NLRP14: variants seen among roughly 807,000 people sequenced by gnomAD.
NLRP14 encodes the protein NLR family pyrin domain containing 14, also known as NACHT, LRR and PYD domains-containing protein 14.
NLRP14 carries 105 observed loss-of-function variants against 94.7 expected under a neutral mutation model. The ratio of observed to expected loss-of-function variants is 1.11; its 90% CI spans 0.95 to 1.30. NLRP14 has a LOEUF of 1.30. NLRP14 is among the 50% of genes most tolerant of loss of function. The probability of loss-of-function intolerance (pLI) is 0.00; values close to 1 mark genes in which losing one functional copy is unlikely to be tolerated. For missense variants in NLRP14, 1,362 were observed against 1,254.1 expected, an observed-to-expected ratio of 1.09 and a Z score of -1.30; for synonymous variants, 508 against 459.9, an observed-to-expected ratio of 1.10 and a Z score of -1.34.
Position 7,042,656 on chromosome 11 carries a change from T to A in NLRP14, c.630T>A (p.Phe210Leu). Residue 210 changes from phenylalanine to leucine, a missense_variant, in exon 4 of 12, where the codon TTT (phenylalanine) becomes TTA (leucine). Physicochemically the swap from Phe to Leu is conservative, Grantham distance 22. Transcript: ENST00000299481. Reference protein sequence around the residue: ...WAEGSLYQQRFKYVFYLNGRE... With the variant: ...WAEGSLYQQRLKYVFYLNGRE... ...AGGGCAGTCTCTACCAGCAGAGGTT[T>A]AAGTATGTTTTTTATCTCAATGGGA... 6.2e-7 allele frequency: 1 copy of A among 1,614,200 alleles called. No homozygotes were observed. Among genetic ancestry groups the A allele is most frequent in the Non-Finnish European group, 8.5e-7 (1 of 1,180,038 alleles).
In NLRP14 at chr11:7,054,030, TC is replaced by T. The variant is rs558405833; in HGVS notation, c.2292-3644del. ...ATATCTCCATATTTTCATTTTTCAC[TC>T]CCACAAATAAGTGAGAACATGGAAA... On this transcript the variant is annotated intron_variant, in intron 6 of 11. Coordinates refer to ENST00000299481, the MANE Select transcript of NLRP14 (RefSeq NM_176822.4). Among the ~76,000 whole-genome samples, 706 of 152,220 alleles carry T rather than the reference TC, an allele frequency of 4.6e-3. 7 individuals are homozygous for T. Among genetic ancestry groups the T allele is most frequent in the African/African-American group, 0.016 (665 of 41,550 alleles).
At chr11:7,024,279 T>C (rs1289694779) in intron 1 of NLRP14, among the ~76,000 whole-genome samples, 2 of 152,180 alleles carry the variant, frequency 1.3e-5, no homozygotes, top group Non-Finnish European at 2.9e-5. Flanking sequence ...ATATGCTACA[T>C]AGGAATTAAT....
chr11:7,072,633 C>T (rs901184938), downstream of NLRP14, among the ~76,000 whole-genome samples: 5 of 152,078 alleles, frequency 3.3e-5, no homozygotes, highest in African/African-American at 7.2e-5. Context: ...TGAGAGGCCC[C>T]GTGCACGGTG....
At chr11:7,022,072 C>T (rs773193160) in intron 1 of NLRP14, among the ~76,000 whole-genome samples, 5 of 152,122 alleles carry the variant, frequency 3.3e-5, no homozygotes, top group Non-Finnish European at 7.4e-5. Flanking sequence ...GTATAGCATA[C>T]GCAAGACTTT....
intron 1 of NLRP14, among the ~76,000 whole-genome samples, chr11:7,038,163 CA>C (rs1852187916): frequency 6.6e-6 from 1 of 152,052 alleles, no homozygotes; most frequent in Admixed American, 6.6e-5. Context: ...GGACAGTTAG[CA>C]ATACTTAGGA....
chr11:7,049,616 G>C (rs777400592), intron 5 of NLRP14, 55 bp from the exon 6 acceptor site: 43 of 1,241,816 alleles, frequency 3.5e-5, no homozygotes, highest in Non-Finnish European at 5.0e-5. Flanking sequence ...AAGGGATCCT[G>C]TAACCAAGGA....
chr11:7,057,959 C>A (rs1852543254), intron 7 of NLRP14, 112 bp downstream of exon 7: 5 of 869,512 alleles, frequency 5.8e-6, no homozygotes, highest in Non-Finnish European at 9.9e-6. Flanking sequence ...GCTCGTTTGT[C>A]AATTCTGAAT....
intron 10 of NLRP14, among the ~76,000 whole-genome samples, chr11:7,062,903 T>C (rs988060297): frequency 1.1e-4 from 17 of 152,160 alleles, no homozygotes; most frequent in African/African-American, 4.1e-4. Context: ...CATTCTGTGT[T>C]GTGGACATTT....
the NLRP14 span, chr11:7,090,137 C>G: frequency 6.2e-7 from 1 of 1,613,278 alleles, no homozygotes; most frequent in Admixed American, 1.7e-5. Context: ...ACTCGAGGGG[C>G]CGACACCGGG....
chr11:7,073,810 C>G (rs1246594923), downstream of NLRP14, among the ~76,000 whole-genome samples: 1 of 152,202 alleles, frequency 6.6e-6, no homozygotes, highest in Non-Finnish European at 1.5e-5. Context: ...TTGGCTTGTG[C>G]TACCTTCTAA....
rs571709211 is a variant in NLRP14 at position 7,038,434 on chromosome 11, C to T, written c.-21-132C>T. 10 of 711,692 alleles carry T rather than the reference C, an allele frequency of 1.4e-5. No homozygotes were observed. The South Asian group carries it at 1.7e-4, about 12-fold the overall frequency. The allele number at this position is 711,692 out of a possible 1,614,324, so 44.1% of individuals were successfully genotyped here. A position where few individuals can be genotyped will look rare whatever the true frequency, so the allele number is the denominator to read the frequency against. ...TATTACAGAGGACACTAGGTCAGTA[C>T]CGAGCCTAATACAGTGGGCTTCTGC... is the stretch of plus-strand genomic sequence containing the variant. On this transcript the variant is annotated intron_variant, in intron 1 of 11. Transcript: ENST00000299481.
At chr11:7,047,300 G>T (rs1041409225) in intron 5 of NLRP14, among the ~76,000 whole-genome samples, 7 of 123,280 alleles carry the variant, frequency 5.7e-5, no homozygotes, top group South Asian at 3.0e-4. Flanking sequence ...TCTCAGAAAG[G>T]TCCCTTGTAC....
intron 10 of NLRP14, among the ~76,000 whole-genome samples, chr11:7,067,542 T>C (rs1264343746): frequency 7.9e-5 from 12 of 152,208 alleles, no homozygotes; most frequent in Non-Finnish European, 1.0e-4. Context: ...TTTTGCACAT[T>C]GATTTTGTAT....
At chr11:7,067,433 T>G (rs955915463) in intron 10 of NLRP14, among the ~76,000 whole-genome samples, 1 of 152,172 alleles carries the variant, frequency 6.6e-6, no homozygotes, top group Non-Finnish European at 1.5e-5. Context: ...TTGTAAGTTG[T>G]ATTCCTAGGT....
chr11:7,080,855 T>C, the NLRP14 span, among the ~76,000 whole-genome samples: 1 of 152,152 alleles, frequency 6.6e-6, no homozygotes, highest in African/African-American at 2.4e-5. Flanking sequence ...TGGCCGATTG[T>C]GGTCAGGATC....
At chr11:7,061,992 A>G (rs1289648945) in intron 9 of NLRP14, among the ~76,000 whole-genome samples, 1 of 152,004 alleles carries the variant, frequency 6.6e-6, no homozygotes. Flanking sequence ...TTTTCACTTA[A>G]AGATATATTA....
At chr11:7,063,832 TAA>T (rs759465820) in intron 10 of NLRP14, among the ~76,000 whole-genome samples, 9 of 152,020 alleles carry the variant, frequency 5.9e-5, no homozygotes, top group Non-Finnish European at 1.2e-4. Context: ...GTCAACTGAG[TAA>T]GTCCCAGGAA....
At chr11:7,068,131 T>C (rs1852734367) in intron 10 of NLRP14, among the ~76,000 whole-genome samples, 1 of 152,156 alleles carries the variant, frequency 6.6e-6, no homozygotes, top group Admixed American at 6.5e-5. Context: ...TTTTTTCTCA[T>C]TTCTGATATT....
chr11:7,086,155 C>T, the NLRP14 span, among the ~76,000 whole-genome samples: 3 of 152,172 alleles, frequency 2.0e-5, no homozygotes, highest in African/African-American at 7.2e-5. Context: ...TTTTATATTC[C>T]CACTAGCACT....
Sources: allele counts gnomAD v4.1 joint callset (sites outside exome capture counted in the v4.1 genomes callset), GRCh38; gene constraint gnomAD v4.1.1; transcripts MANE v1.5; gene names NCBI Gene and HGNC (gene_info 2026-07-23, HGNC 2026-07-21).